PALLD: variants seen among roughly 807,000 people sequenced by gnomAD.
The protein encoded by PALLD is palladin, cytoskeletal associated protein, also known as palladin.
A neutral mutation model predicts 123.5 loss-of-function variants in PALLD; 61 were observed. The ratio of observed to expected loss-of-function variants is 0.49; its 90% CI spans 0.40 to 0.61. PALLD has a LOEUF of 0.61. PALLD is among the 20% of genes least tolerant of loss of function. The pLI is 0.00. For synonymous variants in PALLD, 465 were observed against 496.4 expected, an observed-to-expected ratio of 0.94 and a Z score of 0.84; for missense variants, 1,273 against 1,377.0, an observed-to-expected ratio of 0.92 and a Z score of 1.20.
chr4:168,859,012 A>G (rs1403432105), intron 10 of PALLD, among the ~76,000 whole-genome samples: 1 of 152,158 alleles, frequency 6.6e-6, no homozygotes, highest in African/African-American at 2.4e-5. Flanking sequence ...TAAGACTTTT[A>G]TTTAAATGTA....
intron 2 of PALLD, among the ~76,000 whole-genome samples, chr4:168,558,109 C>A (rs1446526455): frequency 6.6e-6 from 1 of 152,176 alleles, no homozygotes; most frequent in Non-Finnish European, 1.5e-5. Context: ...AAATCAGTTC[C>A]TCATCTTCAG....
chr4:168,499,146 G>A (rs1253435693), intron 1 of PALLD, among the ~76,000 whole-genome samples: 4 of 99,610 alleles, frequency 4.0e-5, no homozygotes, highest in East Asian at 3.0e-4. Flanking sequence ...TAAAATTTTC[G>A]TGTTTGACTT....
chr4:168,798,201 T>G (rs1325599715), intron 10 of PALLD, among the ~76,000 whole-genome samples: 1 of 152,142 alleles, frequency 6.6e-6, no homozygotes, highest in African/African-American at 2.4e-5. Flanking sequence ...GCCTCCCCAG[T>G]TGGGGAGCCT....
intron 10 of PALLD, among the ~76,000 whole-genome samples, chr4:168,838,220 A>G (rs1023177168): frequency 1.3e-5 from 2 of 152,166 alleles, no homozygotes; most frequent in Admixed American, 6.5e-5. Flanking sequence ...AAGGTCAGGA[A>G]AGATGAGGAC....
chr4:168,900,891 A>G (rs1236078370), intron 14 of PALLD, among the ~76,000 whole-genome samples: 3 of 152,240 alleles, frequency 2.0e-5, no homozygotes, highest in African/African-American at 4.8e-5. Flanking sequence ...AGATATTCAC[A>G]AGAAGATTCC....
At chr4:168,757,739 C>T (rs1035007738) in intron 10 of PALLD, among the ~76,000 whole-genome samples, 7 of 152,204 alleles carry the variant, frequency 4.6e-5, no homozygotes, top group South Asian at 2.1e-4. Flanking sequence ...ACAGGTGTCA[C>T]TATACCACTT....
chr4:168,832,268 C>A lies in PALLD; in HGVS notation c.1965-58654C>A, dbSNP rs557189869. The A allele has an allele frequency of 2.4e-4, 189 of 801,548 alleles. No individual in the cohort carries two copies. The African/African-American group carries it at 3.3e-3, about 14-fold the overall frequency. The allele number at this position is 801,548 out of a possible 1,614,324, so 49.7% of individuals were successfully genotyped here. On this transcript the variant is annotated intron_variant, in intron 10 of 21. Coordinates refer to ENST00000505667, the MANE Select transcript of PALLD (RefSeq NM_001166108.2). The stretch of plus-strand genomic sequence containing the variant: ...TGGGCCGCGAGTCGGGAGTGCAGGG[C>A]TCGGGACAGGGTGGGGGCGGGGAGG...
chr4:168,732,746 A>G (rs942300895), intron 10 of PALLD, among the ~76,000 whole-genome samples: 1 of 152,226 alleles, frequency 6.6e-6, no homozygotes, highest in Non-Finnish European at 1.5e-5. Flanking sequence ...CACTGATTTA[A>G]AATATGACTC....
intron 2 of PALLD, among the ~76,000 whole-genome samples, chr4:168,531,613 C>T (rs1764608032): frequency 6.6e-6 from 1 of 152,048 alleles, no homozygotes; most frequent in Admixed American, 6.5e-5. Flanking sequence ...ATATGGTGAA[C>T]CAAAAAAGTT....
intron 8 of PALLD, among the ~76,000 whole-genome samples, chr4:168,693,835 C>T (rs541025099): frequency 1.3e-5 from 2 of 152,078 alleles, no homozygotes; most frequent in South Asian, 2.1e-4. Context: ...GGAAATCAGC[C>T]GTTGGCATGC....
chr4:168,592,005 A>G (rs564318034), intron 2 of PALLD, among the ~76,000 whole-genome samples: 19 of 149,112 alleles, frequency 1.3e-4, no homozygotes, highest in African/African-American at 4.7e-4. Context: ...GGCTACTCTT[A>G]GTACTATTAT....
At chr4:168,751,606 A>G (rs1230778877) in intron 10 of PALLD, among the ~76,000 whole-genome samples, 1 of 152,198 alleles carries the variant, frequency 6.6e-6, no homozygotes, top group Non-Finnish European at 1.5e-5. Flanking sequence ...GCTATTCTTA[A>G]TATCAACTTG....
intron 10 of PALLD, among the ~76,000 whole-genome samples, chr4:168,816,391 A>G (rs79907359): frequency 0.042 from 5,753 of 136,112 alleles, 291 homozygotes; most frequent in East Asian, 0.13. Context: ...GTATGTGTGT[A>G]TATATATATA....
Position 168,759,654 on chromosome 4 carries a change from A to G in PALLD, c.1964+47731A>G, listed in dbSNP as rs1197161085. On this transcript the variant is annotated intron_variant, in intron 10 of 21. Coordinates refer to ENST00000505667, the MANE Select transcript of PALLD (RefSeq NM_001166108.2). ...GGAGAAGAATAAGAGAGCATTATAA[A>G]GTGATAAAACCTAAACATGGTTCAT... is the stretch of plus-strand genomic sequence containing the variant. 2.7e-5 allele frequency among the ~76,000 whole-genome samples: 4 copies of G among 149,650 alleles called. No individual in the cohort carries two copies. The South Asian group carries it at 6.5e-4, about 24-fold the overall frequency.
intron 8 of PALLD, among the ~76,000 whole-genome samples, chr4:168,705,379 T>G (rs929558882): frequency 6.6e-6 from 1 of 152,216 alleles, no homozygotes; most frequent in Non-Finnish European, 1.5e-5. Flanking sequence ...TAGATGACTA[T>G]AAAAGCTTCT....
intron 10 of PALLD, among the ~76,000 whole-genome samples, chr4:168,818,969 G>C (rs927468255): frequency 3.9e-5 from 6 of 152,186 alleles, no homozygotes; most frequent in African/African-American, 1.4e-4. Context: ...CATAGAGGTA[G>C]ATTTTTTGTC....
intron 10 of PALLD, among the ~76,000 whole-genome samples, chr4:168,745,429 G>A (rs59868896): frequency 2.1e-5 from 3 of 141,246 alleles, no homozygotes; most frequent in Non-Finnish European, 4.6e-5. Flanking sequence ...GAGATGGGAG[G>A]GGGGGGCAAA....
At chr4:168,751,426 G>A (rs1731051459) in intron 10 of PALLD, among the ~76,000 whole-genome samples, 1 of 152,140 alleles carries the variant, frequency 6.6e-6, no homozygotes, top group African/African-American at 2.4e-5. Context: ...TCTATCCAGT[G>A]TAGATTTCCA....
intron 10 of PALLD, among the ~76,000 whole-genome samples, chr4:168,865,177 T>C (rs1048274288): frequency 1.3e-5 from 2 of 152,242 alleles, no homozygotes; most frequent in Non-Finnish European, 2.9e-5. Flanking sequence ...TCTTATCCTT[T>C]GGCCTCTAAG....
Sources: gnomAD v4.1 joint callset for allele counts (sites outside exome capture counted in the v4.1 genomes callset) on GRCh38, gnomAD v4.1.1 for gene constraint, MANE v1.5 for transcripts, NCBI Gene and HGNC (gene_info 2026-07-23, HGNC 2026-07-21) for gene names.